SYCP1: variants seen among roughly 807,000 people sequenced by gnomAD.
The protein encoded by SYCP1 is synaptonemal complex protein 1.
Under a neutral mutation model 153.1 loss-of-function variants are expected in SYCP1, and 64 were observed. The observed-to-expected ratio is 0.42, with a 90% CI of 0.34 to 0.51. The LOEUF is 0.51. Ranked by LOEUF, SYCP1 falls within the 20% of genes least tolerant of loss-of-function variation. The pLI is 0.06. For missense variants in SYCP1, 997 were observed against 1,049.0 expected, an observed-to-expected ratio of 0.95 and a Z score of 0.68; for synonymous variants, 384 against 341.8, an observed-to-expected ratio of 1.12 and a Z score of -1.36.
chr1:114,976,474 A>T (rs1008677482), intron 27 of SYCP1, among the ~76,000 whole-genome samples: 1 of 151,818 alleles, frequency 6.6e-6, no homozygotes, highest in Non-Finnish European at 1.5e-5. Flanking sequence ...AACATATATT[A>T]TATTAGAAGA....
intron 30 of SYCP1, among the ~76,000 whole-genome samples, chr1:114,991,332 A>G (rs1320357189): frequency 6.6e-6 from 1 of 151,904 alleles, no homozygotes. Flanking sequence ...CCTTGATACC[A>G]AAGCATATAA....
chr1:114,876,955 C>T, intron 11 of SYCP1, 145 bp downstream of exon 11: 1 of 353,178 alleles, frequency 2.8e-6, no homozygotes, highest in Non-Finnish European at 5.0e-6. Context: ...AATATTTAGC[C>T]TTTAGACTCA....
In SYCP1 at chr1:114,887,614, A is replaced by G. The variant is rs1666402703; in HGVS notation, c.1191-12A>G. ...AATAATATTTTGTATTGAAAATGAT[A>G]TATTTTACAAGATTGGAAAAAAATG... On this transcript the variant is annotated splice_polypyrimidine_tract_variant and intron_variant, in intron 14 of 31. Transcript: ENST00000369522. 2 of 1,501,864 alleles carry G rather than the reference A, an allele frequency of 1.3e-6. No individual in the cohort carries two copies. The highest frequency in any genetic ancestry group is 1.8e-6 in the Non-Finnish European group (2 of 1,101,964). 93.0% of individuals were successfully genotyped at this position (1,501,864 alleles called of 1,614,324 possible).
intron 5 of SYCP1, among the ~76,000 whole-genome samples, chr1:114,858,123 CTT>C (rs1465333234): frequency 7.9e-5 from 12 of 151,960 alleles, no homozygotes; most frequent in Admixed American, 3.9e-4. Context: ...AAAATTATAT[CTT>C]GTCTTCACTT....
chr1:114,981,244 G>C, intron 28 of SYCP1, 92 bp from the exon 29 acceptor site: 1 of 1,008,076 alleles, frequency 9.9e-7, no homozygotes. Context: ...ATTTTGTTGT[G>C]AATTCTACTA....
intron 16 of SYCP1, among the ~76,000 whole-genome samples, chr1:114,905,449 T>C (rs1667750315): frequency 1.3e-5 from 2 of 152,288 alleles, no homozygotes; most frequent in African/African-American, 4.8e-5. Context: ...GAGGCAATAC[T>C]AGAAATATGT....
chr1:114,893,953 T>C (rs1666896192), intron 15 of SYCP1, among the ~76,000 whole-genome samples: 1 of 151,878 alleles, frequency 6.6e-6, no homozygotes, highest in South Asian at 2.1e-4. Context: ...CTTCATTGAA[T>C]TAGTGTGAGT....
At chr1:114,961,721 G>T (rs560371654) in intron 27 of SYCP1, among the ~76,000 whole-genome samples, 2 of 152,078 alleles carry the variant, frequency 1.3e-5, no homozygotes, top group African/African-American at 4.8e-5. Flanking sequence ...ATATAATTTC[G>T]ATGTTCTTAA....
intron 30 of SYCP1, among the ~76,000 whole-genome samples, chr1:114,993,022 T>A (rs979474028): frequency 6.6e-6 from 1 of 151,524 alleles, no homozygotes; most frequent in Non-Finnish European, 1.5e-5. Context: ...TATAAACACA[T>A]GAAAAGATGA....
rs775037981 is a variant in SYCP1, at chr1:114,910,479, T to C, written c.1403T>C (p.Ile468Thr). Residue 468 changes from isoleucine to threonine, a missense_variant, in exon 17 of 32, where the codon ATT (isoleucine) becomes ACT (threonine). Physicochemically the swap from Ile to Thr is moderately conservative, Grantham distance 89 (BLOSUM62 -1). This residue lies in a region of SYCP1 where 712 missense variants were observed against 682.9 expected (regional missense o/e 1.04). Transcript: ENST00000369522. ...TTAAAAGGAACAGAACAAGAACTAA[T>C]TGGTCTTCTCCAAGCCAGAGAGGTT... ...EELKGTEQEL[I>T]GLLQAREKEV... 2 of 1,590,718 alleles carry C rather than the reference T, an allele frequency of 1.3e-6. No homozygotes were observed. Among genetic ancestry groups the C allele is most frequent in the Non-Finnish European group, 1.7e-6 (2 of 1,170,366 alleles).
chr1:114,855,348 G>A (rs2101234068), intron 1 of SYCP1, 93 bp from the exon 2 acceptor site: 1 of 622,230 alleles, frequency 1.6e-6, no homozygotes, highest in East Asian at 3.1e-5. Flanking sequence ...TAGCCATTTA[G>A]TTTGTAAACA....
intron 27 of SYCP1, among the ~76,000 whole-genome samples, chr1:114,966,124 T>C (rs1476198291): frequency 6.6e-6 from 1 of 152,184 alleles, no homozygotes; most frequent in Non-Finnish European, 1.5e-5. Flanking sequence ...TTCTAGTTTA[T>C]TTGTGTAGAG....
At chr1:114,929,643 G>A (rs1669500367) in intron 23 of SYCP1, among the ~76,000 whole-genome samples, 1 of 151,896 alleles carries the variant, frequency 6.6e-6, no homozygotes, top group Non-Finnish European at 1.5e-5. Flanking sequence ...TAATGATAAA[G>A]TTGTCAATTC....
chr1:114,863,705 CAT>C (rs1250605171), intron 8 of SYCP1, among the ~76,000 whole-genome samples: 6 of 152,158 alleles, frequency 3.9e-5, no homozygotes, highest in East Asian at 1.9e-4. Flanking sequence ...CTTTTTTTCA[CAT>C]GTTTGTTGGT....
chr1:114,907,617 T>C (rs891426350), intron 16 of SYCP1, among the ~76,000 whole-genome samples: 8 of 151,338 alleles, frequency 5.3e-5, no homozygotes, highest in Non-Finnish European at 1.2e-4. Flanking sequence ...AGTCTTGCTC[T>C]GTTGCCCAGG....
chr1:114,887,145 G>T (rs2101554230), intron 14 of SYCP1, among the ~76,000 whole-genome samples: 1 of 152,134 alleles, frequency 6.6e-6, no homozygotes, highest in South Asian at 2.1e-4. Context: ...GACCTATCCA[G>T]TGATTTTTCA....
intron 17 of SYCP1, among the ~76,000 whole-genome samples, chr1:114,910,839 C>T (rs1481051454): frequency 1.3e-5 from 2 of 152,094 alleles, no homozygotes; most frequent in South Asian, 2.1e-4. Context: ...AATGCACAAT[C>T]ATTGCACACT....
chr1:114,989,571 A>G (rs1247070174), intron 30 of SYCP1, among the ~76,000 whole-genome samples: 1 of 152,014 alleles, frequency 6.6e-6, no homozygotes, highest in Non-Finnish European at 1.5e-5. Context: ...ATAGATTGGC[A>G]GAATATATTT....
chr1:114,857,279 A>G lies in SYCP1; in HGVS notation c.237+4A>G, dbSNP rs1363012726. On this transcript the variant is annotated splice_donor_region_variant and intron_variant, in intron 4 of 31. Coordinates refer to ENST00000369522, the MANE Select transcript of SYCP1 (RefSeq NM_003176.4). ...TTTCTTGCCCGTGCTTGAGCAGGTC[A>G]GTTAAGCATAGTACATGTAGATATA... The G allele has an allele frequency of 1.9e-6, 3 of 1,601,294 alleles. No individual in the cohort carries two copies. Among genetic ancestry groups the G allele is most frequent in the African/African-American group, 2.7e-5 (2 of 74,588 alleles).
Sources: allele counts gnomAD v4.1 joint callset (sites outside exome capture counted in the v4.1 genomes callset), GRCh38; gene constraint gnomAD v4.1.1; regional missense constraint gnomAD v4.1.1; transcripts MANE v1.5; gene names NCBI Gene and HGNC (gene_info 2026-07-23, HGNC 2026-07-21).